Variants in RXRA observed in about 807,000 individuals in gnomAD.
RXRA encodes the protein retinoic acid receptor RXR-alpha.
In RXRA, 5 loss-of-function variants were observed where a neutral mutation model predicts 44.5. The observed-to-expected ratio is 0.11, with a 90% confidence interval of 0.06 to 0.24. The LOEUF (loss-of-function observed/expected upper bound fraction) is 0.24, where lower values mean the gene tolerates loss of function less well. Ranked by LOEUF, RXRA falls within the 10% of genes least tolerant of loss-of-function variation. The probability of loss-of-function intolerance (pLI) is 1.00; values close to 1 mark genes in which losing one functional copy is unlikely to be tolerated. For missense variants in RXRA, 412 were observed against 646.5 expected, an observed-to-expected ratio of 0.64 and a Z score of 3.93; for synonymous variants, 291 against 271.4, an observed-to-expected ratio of 1.07 and a Z score of -0.71.
rs115626810 is a variant in RXRA at position 134,388,982 on chromosome 9, G to A, written c.29-12650G>A. ...TCCTTCGTGCTGGATGCCCCAGAGG[G>A]CTGAGACCCGGTGACCTGCCTCCTC... is the stretch of plus-strand genomic sequence containing the variant. On this transcript the variant is annotated intron_variant, in intron 1 of 9. Transcript: ENST00000481739. Among the ~76,000 whole-genome samples the A allele has an allele frequency of 6.4e-3, 981 of 152,250 alleles. 12 individuals are homozygous for A. The highest frequency in any genetic ancestry group is 0.023 in the African/African-American group (935 of 41,548).
intron 9 of RXRA, 124 bp downstream of exon 9, chr9:134,434,331 A>G: frequency 2.9e-6 from 2 of 690,452 alleles, no homozygotes; most frequent in South Asian, 1.8e-5. Context: ...AGCCCATGCC[A>G]GCAGGTCCTG....
At chr9:134,334,953 G>C (rs1829974363) in intron 1 of RXRA, among the ~76,000 whole-genome samples, 1 of 152,200 alleles carries the variant, frequency 6.6e-6, no homozygotes, top group African/African-American at 2.4e-5. Context: ...GGTGGCCTGG[G>C]GGCATGGCAG....
chr9:134,380,420 G>A (rs927550365), intron 1 of RXRA, among the ~76,000 whole-genome samples: 3 of 152,086 alleles, frequency 2.0e-5, no homozygotes, highest in Non-Finnish European at 2.9e-5. Context: ...TAGGGGCTGG[G>A]GTGGCCATGA....
chr9:134,340,351 G>T (rs1554747977), intron 1 of RXRA, among the ~76,000 whole-genome samples: 1 of 152,180 alleles, frequency 6.6e-6, no homozygotes, highest in African/African-American at 2.4e-5. Context: ...GCCATCGTGG[G>T]GATGGTGGTT....
intron 1 of RXRA, among the ~76,000 whole-genome samples, chr9:134,355,369 G>C (rs1184290985): frequency 1.3e-5 from 2 of 152,232 alleles, no homozygotes; most frequent in Non-Finnish European, 2.9e-5. Context: ...CAGATCCCCC[G>C]ACTCCTTCCC....
chr9:134,424,516 A>C, intron 6 of RXRA: 1 of 985,410 alleles, frequency 1.0e-6, no homozygotes. Flanking sequence ...TTCCGGCATG[A>C]GTCCCAGCCC....
intron 1 of RXRA, among the ~76,000 whole-genome samples, chr9:134,367,375 C>T (rs1001576142): frequency 1.3e-5 from 2 of 152,112 alleles, no homozygotes; most frequent in East Asian, 1.9e-4. Context: ...CCTTGCTCCC[C>T]GGAGCCCACC....
chr9:134,401,940 C>T (rs537289200), intron 2 of RXRA, 58 bp downstream of exon 2: 617 of 1,372,814 alleles, frequency 4.5e-4, no homozygotes, highest in Non-Finnish European at 5.7e-4. Context: ...GCTGTGGCTT[C>T]AACTGCAGGA....
chr9:134,420,431 C>T (rs1313267926), intron 5 of RXRA, among the ~76,000 whole-genome samples: 8 of 152,174 alleles, frequency 5.3e-5, no homozygotes, highest in Non-Finnish European at 5.9e-5. Context: ...CAACCCCACT[C>T]AGCCGAGGGA....
At position 134,422,599 on chromosome 9, in the gene RXRA, G is replaced by A. The variant is rs141021875; in HGVS notation, c.910+794G>A. 8.8e-6 allele frequency: 7 copies of A among 798,592 alleles called. No individual in the cohort carries two copies. In the South Asian group the frequency reaches 1.7e-4, roughly 20 times the overall value. The allele number at this position is 798,592 out of a possible 1,614,324, so 49.5% of individuals were successfully genotyped here. A position where few individuals can be genotyped will look rare whatever the true frequency, so the allele number is the denominator to read the frequency against. ...ACTCCCCTCTCCCGGGACACTCCCC[G>A]CTCCCAGGACGCTCCCCACTCCCGG... On this transcript the variant is annotated intron_variant, in intron 6 of 9. Transcript: ENST00000481739.
chr9:134,368,638 GGT>G (rs762128457), intron 1 of RXRA, among the ~76,000 whole-genome samples: 2 of 151,564 alleles, frequency 1.3e-5, no homozygotes, highest in African/African-American at 2.4e-5. Context: ...GTGGCTGTGT[GGT>G]GTGTGTGTGA....
intron 2 of RXRA, chr9:134,404,880 G>C (rs1588290964): frequency 1.3e-5 from 2 of 152,392 alleles, no homozygotes; most frequent in African/African-American, 2.4e-5. Flanking sequence ...GGTGTGAGGA[G>C]AGAGCCAAGA....
At chr9:134,414,038 G>A (rs1299054148) in intron 4 of RXRA, among the ~76,000 whole-genome samples, 1 of 152,212 alleles carries the variant, frequency 6.6e-6, no homozygotes, top group Non-Finnish European at 1.5e-5. Flanking sequence ...AGCGGAACAT[G>A]AGTCAAGCAT....
At chr9:134,388,708 G>A (rs565306330) in intron 1 of RXRA, among the ~76,000 whole-genome samples, 1 of 152,214 alleles carries the variant, frequency 6.6e-6, no homozygotes, top group Non-Finnish European at 1.5e-5. Context: ...GGGCTCTCCC[G>A]GCCCCTTTCC....
At chr9:134,353,886 G>C (rs1325429519) in intron 1 of RXRA, among the ~76,000 whole-genome samples, 1 of 152,234 alleles carries the variant, frequency 6.6e-6, no homozygotes, top group Non-Finnish European at 1.5e-5. Context: ...GGTGAGCTCG[G>C]ACAGCCTGGC....
chr9:134,419,467 C>G (rs1443607568), intron 5 of RXRA, among the ~76,000 whole-genome samples: 3 of 152,222 alleles, frequency 2.0e-5, no homozygotes, highest in Admixed American at 1.3e-4. Flanking sequence ...TCTGTCTCAT[C>G]TCACACTGAA....
chr9:134,429,344 T>C (rs924753382), intron 7 of RXRA, 104 bp downstream of exon 7: 13 of 1,212,648 alleles, frequency 1.1e-5, no homozygotes, highest in Admixed American at 4.4e-5. Flanking sequence ...CCTAGTATTA[T>C]TTCAGTGCAT....
chr9:134,369,267 T>G (rs1410800449), intron 1 of RXRA, among the ~76,000 whole-genome samples: 9 of 28,902 alleles, frequency 3.1e-4, no homozygotes, highest in Admixed American at 1.1e-3. Flanking sequence ...GTTGTGTGTG[T>G]GGGGGGTTAT....
chr9:134,330,559 T>TG (rs1273747475), intron 1 of RXRA, among the ~76,000 whole-genome samples: 12 of 152,342 alleles, frequency 7.9e-5, no homozygotes, highest in African/African-American at 2.9e-4. Flanking sequence ...CTTGCCCACC[T>TG]GCCTGTATGT....
Sources: gnomAD v4.1 joint callset for allele counts (sites outside exome capture counted in the v4.1 genomes callset) on GRCh38, gnomAD v4.1.1 for gene constraint, MANE v1.5 for transcripts, NCBI Gene and HGNC (gene_info 2026-07-23, HGNC 2026-07-21) for gene names.